The following AVEN variants were observed in gnomAD, a reference collection of about 807,000 sequenced individuals.
The protein encoded by AVEN is apoptosis and caspase activation inhibitor, also known as cell death regulator Aven.
In AVEN, 41 loss-of-function variants were observed where a neutral mutation model predicts 38.1. That is an observed-to-expected ratio of 1.08 (90% confidence interval 0.84 to 1.40). AVEN has a LOEUF of 1.40. AVEN is among the 40% of genes most tolerant of loss of function. AVEN has a pLI of 0.00. For synonymous variants in AVEN, 206 were observed against 171.8 expected, an observed-to-expected ratio of 1.20 and a Z score of -1.56; for missense variants, 605 against 438.8, an observed-to-expected ratio of 1.38 and a Z score of -3.38.
At chr15:34,007,608 C>T (rs577248538) in intron 1 of AVEN, among the ~76,000 whole-genome samples, 1 of 152,224 alleles carries the variant, frequency 6.6e-6, no homozygotes, top group African/African-American at 2.4e-5. Context: ...TTACTCACTA[C>T]ACAATTCCAA....
intron 4 of AVEN, among the ~76,000 whole-genome samples, chr15:33,868,701 A>ATGAT (rs1890807285): frequency 6.6e-6 from 1 of 152,186 alleles, no homozygotes; most frequent in Non-Finnish European, 1.5e-5. Context: ...ACACTATTTG[A>ATGAT]TGATTGTATT....
chr15:33,856,913 T>TC (rs2079734944), downstream of AVEN: 1 of 152,280 alleles, frequency 6.6e-6, no homozygotes, highest in South Asian at 2.1e-4. Flanking sequence ...CGCCTCGGCC[T>TC]CCTAAAGTGC....
intron 2 of AVEN, among the ~76,000 whole-genome samples, chr15:33,931,902 G>C (rs1183393902): frequency 6.6e-6 from 1 of 152,174 alleles, no homozygotes; most frequent in African/African-American, 2.4e-5. Context: ...TGATGGAAGA[G>C]AGACAGAGAT....
intron 3 of AVEN, 69 bp from the exon 4 acceptor site, chr15:33,871,099 A>C (rs959483058): frequency 9.8e-7 from 1 of 1,016,198 alleles, no homozygotes; most frequent in African/African-American, 1.7e-5. Flanking sequence ...TAAAAGAAGA[A>C]ACTGTAAATA....
At chr15:33,971,820 A>C (rs1242993542) in intron 2 of AVEN, among the ~76,000 whole-genome samples, 1 of 152,060 alleles carries the variant, frequency 6.6e-6, no homozygotes, top group African/African-American at 2.4e-5. Flanking sequence ...TTCCTTATGA[A>C]GTGACCAAAT....
chr15:33,966,758 A>G (rs1895402697), intron 2 of AVEN, among the ~76,000 whole-genome samples: 1 of 152,180 alleles, frequency 6.6e-6, no homozygotes, highest in Non-Finnish European at 1.5e-5. Flanking sequence ...ATGCTATTGT[A>G]TTCTTGGAAA....
intron 2 of AVEN, among the ~76,000 whole-genome samples, chr15:33,982,227 C>T (rs773577656): frequency 1.3e-5 from 2 of 152,002 alleles, no homozygotes; most frequent in Admixed American, 6.6e-5. Flanking sequence ...TGTAGAGCTG[C>T]ATCTGCAGCT....
chr15:33,865,642 ACTCC>A, downstream of AVEN: 1 of 19,884 alleles, frequency 5.0e-5, no homozygotes, highest in Non-Finnish European at 1.5e-4. Context: ...GTCTGAACTC[ACTCC>A]AAAAGATAAT....
intron 1 of AVEN, among the ~76,000 whole-genome samples, chr15:34,038,385 G>A (rs1468530090): frequency 6.6e-6 from 1 of 152,164 alleles, no homozygotes; most frequent in African/African-American, 2.4e-5. Context: ...CGTAAAGGCT[G>A]CCGAGGGACC....
At position 33,935,488 on chromosome 15, in the gene AVEN, G is replaced by GTATA. The variant is rs10624373; in HGVS notation, c.446-59497_446-59494dup. On this transcript the variant is annotated intron_variant, in intron 2 of 5. Transcript: ENST00000306730. ...GCTATATATATTTGTGTATATATGT[G>GTATA]TATATATATGTATATATGTGTGTGA... 6.8e-4 allele frequency among the ~76,000 whole-genome samples: 103 copies of GTATA among 151,618 alleles called. 1 individual carries two copies. The highest frequency in any genetic ancestry group is 1.1e-3 in the Non-Finnish European group (74 of 67,916).
At chr15:33,999,946 G>A (rs909285821) in intron 2 of AVEN, among the ~76,000 whole-genome samples, 2 of 152,034 alleles carry the variant, frequency 1.3e-5, no homozygotes, top group Non-Finnish European at 2.9e-5. Context: ...ACAATACTAC[G>A]CGATCTGGCT....
chr15:33,981,174 G>A (rs1259238864), intron 2 of AVEN, among the ~76,000 whole-genome samples: 1 of 152,132 alleles, frequency 6.6e-6, no homozygotes, highest in Non-Finnish European at 1.5e-5. Flanking sequence ...AAGGTAATGT[G>A]AAAAATATTA....
downstream of AVEN, chr15:33,864,260 G>T: frequency 8.2e-7 from 1 of 1,226,452 alleles, no homozygotes. Flanking sequence ...GTAGGGCATA[G>T]GTTATCTGAA....
intron 2 of AVEN, among the ~76,000 whole-genome samples, chr15:33,981,693 T>C (rs1597305714): frequency 6.6e-6 from 1 of 152,242 alleles, no homozygotes; most frequent in African/African-American, 2.4e-5. Context: ...ACACTAGTTA[T>C]GTGATCCTTG....
At chr15:34,032,023 G>GCACACACACACA (rs10643932) in intron 1 of AVEN, among the ~76,000 whole-genome samples, 36 of 149,038 alleles carry the variant, frequency 2.4e-4, no homozygotes, top group Middle Eastern at 6.9e-3. Flanking sequence ...GCGCGCACAC[G>GCACACACACACA]CACACACACA....
chr15:33,882,561 T>TAA (rs35267268), intron 2 of AVEN, among the ~76,000 whole-genome samples: 85,383 of 149,066 alleles, frequency 0.57, 25,739 homozygotes, highest in East Asian at 0.75. Flanking sequence ...GCAAAAATGT[T>TAA]AAAAAAAAAA....
upstream of AVEN, among the ~76,000 whole-genome samples, chr15:34,043,396 G>A (rs986310193): frequency 6.6e-6 from 1 of 152,130 alleles, no homozygotes; most frequent in Admixed American, 6.6e-5. Context: ...CTCTTCATAG[G>A]CAAGCAGATT....
chr15:34,053,319 A>AATATATAT (rs71119922), intron 5 of AVEN, among the ~76,000 whole-genome samples: 134 of 42,040 alleles, frequency 3.2e-3, no homozygotes, highest in Middle Eastern at 0.022. Flanking sequence ...AAAAAAAAAA[A>AATATATAT]ATATATATAT....
At chr15:34,013,875 A>C (rs1332605894) in intron 1 of AVEN, among the ~76,000 whole-genome samples, 2 of 151,980 alleles carry the variant, frequency 1.3e-5, no homozygotes, top group Admixed American at 6.6e-5. Flanking sequence ...CTAGATGTAG[A>C]CTCACGGCCT....
Sources: gnomAD v4.1 joint callset for allele counts (sites outside exome capture counted in the v4.1 genomes callset) on GRCh38, gnomAD v4.1.1 for gene constraint, MANE v1.5 for transcripts, NCBI Gene and HGNC (gene_info 2026-07-23, HGNC 2026-07-21) for gene names.